The following GSDMC variants were observed in gnomAD, a reference collection of about 807,000 sequenced individuals.
GSDMC encodes the protein gasdermin C.
A neutral mutation model predicts 58.0 loss-of-function variants in GSDMC; 59 were observed. The ratio of observed to expected loss-of-function variants is 1.02; its 90% CI spans 0.82 to 1.26. The LOEUF (loss-of-function observed/expected upper bound fraction) is 1.26, where lower values mean the gene tolerates loss of function less well. Among genes scored for constraint, GSDMC ranks in the 50% most tolerant of loss-of-function variants. The probability of loss-of-function intolerance (pLI) is 0.00; values close to 1 mark genes in which losing one functional copy is unlikely to be tolerated. For missense variants in GSDMC, 659 were observed against 598.5 expected (o/e 1.10, Z -1.06); for synonymous variants, 241 against 220.2 (o/e 1.09, Z -0.83).
At chr8:129,738,808 T>TA in the GSDMC span, among the ~76,000 whole-genome samples, 6 of 151,494 alleles carry the variant, frequency 4.0e-5, no homozygotes, top group South Asian at 2.1e-4. Flanking sequence ...GTATAGTTTT[T>TA]AAAAAAAAGA....
chr8:129,739,092 T>A, the GSDMC span, among the ~76,000 whole-genome samples: 3 of 152,352 alleles, frequency 2.0e-5, no homozygotes, highest in Middle Eastern at 6.8e-3. Context: ...TACATAGGTA[T>A]ACATGTTTGA....
chr8:129,722,894 T>C, the GSDMC span: 20 of 152,174 alleles, frequency 1.3e-4, no homozygotes, highest in African/African-American at 4.1e-4. Context: ...CTGATTTGAA[T>C]TATCTACGCA....
At chr8:129,778,068 G>A (rs1199637710) in intron 1 of GSDMC, among the ~76,000 whole-genome samples, 3 of 152,304 alleles carry the variant, frequency 2.0e-5, no homozygotes, top group East Asian at 3.9e-4. Context: ...GAGGGAAGGC[G>A]GGGCTTATGT....
the GSDMC span, among the ~76,000 whole-genome samples, chr8:129,742,793 G>A: frequency 6.6e-6 from 1 of 152,132 alleles, no homozygotes; most frequent in Non-Finnish European, 1.5e-5. Flanking sequence ...CATATATTTT[G>A]TGGGTTTTTT....
intron 6 of GSDMC, among the ~76,000 whole-genome samples, chr8:129,756,859 T>C (rs150224990): frequency 0.011 from 1,710 of 151,696 alleles, 32 homozygotes; most frequent in African/African-American, 0.04. Context: ...TTGAAACAAA[T>C]GAGAATGGAA....
chr8:129,729,220 C>T, the GSDMC span: 1 of 642,952 alleles, frequency 1.6e-6, no homozygotes, highest in Non-Finnish European at 3.0e-6. Flanking sequence ...ATTTTGAGAC[C>T]CTGGAATATT....
rs929542725 is a variant in GSDMC at position 129,748,238 on chromosome 8, A to G, written c.*263T>C. 3 of 284,602 alleles carry G rather than the reference A, an allele frequency of 1.1e-5. No homozygotes were observed. Among genetic ancestry groups the G allele is most frequent in the Non-Finnish European group, 1.9e-5 (3 of 154,078 alleles). The allele number at this position is 284,602 out of a possible 1,614,324, so 17.6% of individuals were successfully genotyped here. A position where few individuals can be genotyped will look rare whatever the true frequency, so the allele number is the denominator to read the frequency against. Reference sequence around the variant, plus strand: ...TTTATTATTTTGAAGTAAAATTTATACATAGTGAAACGCTTACGTCTTTAA... The same window carrying G: ...TTTATTATTTTGAAGTAAAATTTATGCATAGTGAAACGCTTACGTCTTTAA... On this transcript the variant is annotated 3_prime_UTR_variant, in exon 14 of 14. Transcript: ENST00000276708.
chr8:129,724,144 C>T, the GSDMC span, among the ~76,000 whole-genome samples: 1 of 152,132 alleles, frequency 6.6e-6, no homozygotes, highest in African/African-American at 2.4e-5. Context: ...TGGTTAGGAA[C>T]TAAGGCCTCC....
At chr8:129,740,011 T>C in the GSDMC span, among the ~76,000 whole-genome samples, 1 of 152,048 alleles carries the variant, frequency 6.6e-6, no homozygotes, top group Non-Finnish European at 1.5e-5. Flanking sequence ...TGGGCTAATG[T>C]GTGTGTGTTT....
At chr8:129,776,843 C>T (rs1022983327) in intron 2 of GSDMC, among the ~76,000 whole-genome samples, 5 of 152,110 alleles carry the variant, frequency 3.3e-5, no homozygotes, top group Non-Finnish European at 5.9e-5. Context: ...TCACTGCAAC[C>T]TCCGCCTTCT....
downstream of GSDMC, among the ~76,000 whole-genome samples, chr8:129,747,187 G>A (rs546649987): frequency 1.3e-5 from 2 of 152,086 alleles, no homozygotes; most frequent in Non-Finnish European, 2.9e-5. Flanking sequence ...AACCTGGGAG[G>A]TGGAGGTTGC....
intron 1 of GSDMC, among the ~76,000 whole-genome samples, chr8:129,785,698 G>A (rs1206348645): frequency 6.6e-6 from 1 of 152,120 alleles, no homozygotes; most frequent in East Asian, 1.9e-4. Context: ...AACAGTTCAT[G>A]TAAAATTCCT....
the GSDMC span, among the ~76,000 whole-genome samples, chr8:129,740,282 A>G: frequency 6.6e-6 from 1 of 152,188 alleles, no homozygotes; most frequent in Non-Finnish European, 1.5e-5. Context: ...GCCTAAGTGT[A>G]TAGTATTTAT....
chr8:129,776,052 C>T (rs1208009413), intron 3 of GSDMC, 50 bp downstream of exon 3: 3 of 1,387,454 alleles, frequency 2.2e-6, no homozygotes, highest in Admixed American at 4.4e-5. Context: ...TCAAGGAAAA[C>T]ACCCCCTGGG....
At chr8:129,754,934 A>G (rs1441614222) in intron 6 of GSDMC, among the ~76,000 whole-genome samples, 1 of 152,186 alleles carries the variant, frequency 6.6e-6, no homozygotes, top group Non-Finnish European at 1.5e-5. Flanking sequence ...AAAAGAAAAA[A>G]GAATAAAAAA....
intron 6 of GSDMC, among the ~76,000 whole-genome samples, chr8:129,757,934 T>C (rs2033506544): frequency 6.6e-6 from 1 of 152,102 alleles, no homozygotes; most frequent in South Asian, 2.1e-4. Context: ...GAGGTTGCAG[T>C]GAGCCATGTT....
chr8:129,750,289 G>A, intron 11 of GSDMC, 142 bp downstream of exon 11: 1 of 1,051,790 alleles, frequency 9.5e-7, no homozygotes, highest in East Asian at 2.5e-5. Context: ...GGCCCATTGT[G>A]CCCGGCACCA....
chr8:129,737,137 A>G, the GSDMC span, among the ~76,000 whole-genome samples: 1 of 152,188 alleles, frequency 6.6e-6, no homozygotes, highest in African/African-American at 2.4e-5. Flanking sequence ...AATGAAATAA[A>G]AGAGGACACA....
intron 6 of GSDMC, among the ~76,000 whole-genome samples, chr8:129,760,009 A>T (rs2033596313): frequency 1.3e-5 from 2 of 152,176 alleles, no homozygotes; most frequent in African/African-American, 4.8e-5. Context: ...ACATATACAA[A>T]ATGGTATACT....
Sources: allele counts gnomAD v4.1 joint callset (sites outside exome capture counted in the v4.1 genomes callset), GRCh38; gene constraint gnomAD v4.1.1; transcripts MANE v1.5; gene names NCBI Gene and HGNC (gene_info 2026-07-23, HGNC 2026-07-21).